MTBP: variants seen among roughly 807,000 people sequenced by gnomAD.
MTBP encodes MDM2 binding protein, also known as mdm2-binding protein.
In MTBP, 101 loss-of-function variants were observed where a neutral mutation model predicts 117.0. That is an observed-to-expected ratio of 0.86 (90% CI 0.73 to 1.02). The LOEUF (loss-of-function observed/expected upper bound fraction) is 1.02, where lower values mean the gene tolerates loss of function less well. Ranked by LOEUF, MTBP falls within the 50% of genes least tolerant of loss-of-function variation. The pLI is 0.00. For missense variants in MTBP, 970 were observed against 1,030.9 expected (o/e 0.94, Z 0.81); for synonymous variants, 350 against 351.5 (o/e 1.00, Z 0.05).
At chr8:120,499,620 A>G (rs773287746) in intron 14 of MTBP, among the ~76,000 whole-genome samples, 2 of 152,230 alleles carry the variant, frequency 1.3e-5, no homozygotes, top group Non-Finnish European at 2.9e-5. Context: ...ATTAGATATC[A>G]TATTCTGACG....
In MTBP at chr8:120,516,210, A is replaced by G; in HGVS notation, c.2246+19A>G. On this transcript the variant is annotated intron_variant, in intron 18 of 21. Transcript: ENST00000305949. Reference sequence around the variant, plus strand: ...GAAAAAGGTGATATATTACATGCACATAAATAGTATATTGACAGAAAGTAT... The same window carrying G: ...GAAAAAGGTGATATATTACATGCACGTAAATAGTATATTGACAGAAAGTAT... The G allele has an allele frequency of 3.2e-6, 5 of 1,571,176 alleles. No individual in the cohort carries two copies. The highest frequency in any genetic ancestry group is 2.3e-5 in the East Asian group (1 of 44,434).
At chr8:120,480,767 A>G (rs960926290) in intron 11 of MTBP, among the ~76,000 whole-genome samples, 1 of 152,266 alleles carries the variant, frequency 6.6e-6, no homozygotes, top group Admixed American at 6.5e-5. Flanking sequence ...TTAATTCAAG[A>G]GCTAAAATTA....
chr8:120,487,904 G>A (rs1563797278), intron 11 of MTBP, among the ~76,000 whole-genome samples: 1 of 152,134 alleles, frequency 6.6e-6, no homozygotes, highest in Non-Finnish European at 1.5e-5. Context: ...TGTAGATATG[G>A]TAAGCCATAT....
chr8:120,521,370 A>G (rs895953582), intron 20 of MTBP, among the ~76,000 whole-genome samples: 6 of 152,218 alleles, frequency 3.9e-5, no homozygotes, highest in Non-Finnish European at 7.3e-5. Context: ...TTACATAGAT[A>G]CAATAGTGTA....
chr8:120,466,928 T>A (rs1001825747), intron 10 of MTBP, among the ~76,000 whole-genome samples: 2 of 152,130 alleles, frequency 1.3e-5, no homozygotes, highest in African/African-American at 4.8e-5. Flanking sequence ...TTAATTTTTT[T>A]AAAAATGTTT....
At position 120,506,750 on chromosome 8, in the gene MTBP, A is replaced by T. The variant is rs769669852; in HGVS notation, c.1772A>T (p.Lys591Ile). 11 of 1,613,064 alleles carry T rather than the reference A, an allele frequency of 6.8e-6. No homozygotes were observed. The highest frequency in any genetic ancestry group is 9.3e-6 in the Non-Finnish European group (11 of 1,179,556). The change falls in exon 16 of 22, where the codon AAA (lysine) becomes ATA (isoleucine). Residue 591 changes from lysine (K) to isoleucine (I), a missense_variant. Coordinates refer to ENST00000305949, the MANE Select transcript of MTBP (RefSeq NM_022045.5). ...PHSSEQLLGH[K>I]EGPRDSITLL... ...TCATCTGAACAGTTGCTGGGCCACA[A>T]AGAGGGTCCTCGGGACTCAATCACA...
chr8:120,521,863 CGG>C, intron 20 of MTBP, among the ~76,000 whole-genome samples: 1 of 129,684 alleles, frequency 7.7e-6, no homozygotes, highest in South Asian at 2.6e-4. Flanking sequence ...TGGATGCTCA[CGG>C]TGGAGGATGG....
intron 1 of MTBP, 130 bp downstream of exon 1, chr8:120,445,718 TAG>T (rs1813212250): frequency 1.4e-6 from 1 of 691,786 alleles, no homozygotes; most frequent in East Asian, 2.9e-5. Flanking sequence ...CTATCTGGGA[TAG>T]AGTTAATGAG....
intron 4 of MTBP, 191 bp downstream of exon 4, chr8:120,451,513 A>G (rs977678292): frequency 3.9e-6 from 2 of 510,414 alleles, no homozygotes; most frequent in Non-Finnish European, 3.4e-6. Flanking sequence ...TTAAGCTTAC[A>G]TAATGTCAAG....
intron 17 of MTBP, 130 bp downstream of exon 17, chr8:120,510,159 CAAAGTAGTGCATA>C: frequency 3.7e-6 from 2 of 546,566 alleles, no homozygotes; most frequent in Non-Finnish European, 6.2e-6. Context: ...CCTCAAAAAG[CAAAGTAGTGCATA>C]CAAAAATAAT....
intron 8 of MTBP, 82 bp from the exon 9 acceptor site, chr8:120,461,079 A>T: frequency 9.8e-7 from 1 of 1,017,768 alleles, no homozygotes; most frequent in Non-Finnish European, 1.5e-6. Flanking sequence ...GATCCATTTT[A>T]AAGTTTTAAA....
intron 13 of MTBP, among the ~76,000 whole-genome samples, chr8:120,497,122 A>G (rs541595824): frequency 2.0e-4 from 30 of 152,224 alleles, no homozygotes; most frequent in Non-Finnish European, 3.7e-4. Flanking sequence ...ATGCTCTGCA[A>G]TATATTTCTG....
intron 5 of MTBP, among the ~76,000 whole-genome samples, chr8:120,454,434 T>G (rs1813426832): frequency 6.6e-6 from 1 of 152,108 alleles, no homozygotes; most frequent in South Asian, 2.1e-4. Context: ...ATAATATTCC[T>G]AAAACTGGTT....
At chr8:120,509,126 TA>T (rs1814749590) in intron 16 of MTBP, among the ~76,000 whole-genome samples, 1 of 152,194 alleles carries the variant, frequency 6.6e-6, no homozygotes. Flanking sequence ...ACTCTTAAAG[TA>T]GGTGCCAGTG....
chr8:120,469,747 G>C (rs1049505418), intron 10 of MTBP, among the ~76,000 whole-genome samples: 1 of 152,140 alleles, frequency 6.6e-6, no homozygotes, highest in Non-Finnish European at 1.5e-5. Context: ...AGCGAGAAAT[G>C]CTCATTAAAA....
intron 4 of MTBP, 128 bp downstream of exon 4, chr8:120,451,450 G>T: frequency 1.3e-6 from 1 of 751,506 alleles, no homozygotes; most frequent in Non-Finnish European, 2.1e-6. Flanking sequence ...TGAAATTTTT[G>T]ACTCTCAATT....
intron 5 of MTBP, among the ~76,000 whole-genome samples, chr8:120,455,168 A>G (rs1327387483): frequency 6.6e-6 from 1 of 151,892 alleles, no homozygotes; most frequent in Non-Finnish European, 1.5e-5. Flanking sequence ...ATTATGATAT[A>G]GTTTATTGTT....
At chr8:120,495,852 CT>C (rs1451715737) in intron 13 of MTBP, among the ~76,000 whole-genome samples, 1 of 151,902 alleles carries the variant, frequency 6.6e-6, no homozygotes, top group African/African-American at 2.4e-5. Context: ...CTTTGTTTAG[CT>C]TTCTACAATG....
Position 120,462,180 on chromosome 8 carries a change from C to G in MTBP, c.977+925C>G, listed in dbSNP as rs1019139758. ...ATCCTAAAGATAATGAGGAATCATACAAGGATTATAAGCCAGACATAGCTT... is the reference window on the plus strand; with the variant it reads ...ATCCTAAAGATAATGAGGAATCATAGAAGGATTATAAGCCAGACATAGCTT... On this transcript the variant is annotated intron_variant, in intron 9 of 21. Transcript: ENST00000305949. 7.3e-4 allele frequency among the ~76,000 whole-genome samples: 111 copies of G among 152,170 alleles called. 1 individual carries two copies. The highest frequency in any genetic ancestry group is 2.6e-3 in the African/African-American group (106 of 41,532).
Sources: gnomAD v4.1 joint callset for allele counts (sites outside exome capture counted in the v4.1 genomes callset) on GRCh38, gnomAD v4.1.1 for gene constraint, MANE v1.5 for transcripts, NCBI Gene and HGNC (gene_info 2026-07-23, HGNC 2026-07-21) for gene names.